The following BCAS4 variants were observed in gnomAD, a reference collection of about 807,000 sequenced individuals.
BCAS4 encodes breast carcinoma-amplified sequence 4.
In BCAS4, 9 loss-of-function variants were observed where a neutral mutation model predicts 15.7. The observed-to-expected ratio is 0.57, with a 90% CI of 0.34 to 1.00. The LOEUF (loss-of-function observed/expected upper bound fraction) is 1.00, where lower values mean the gene tolerates loss of function less well. Ranked by LOEUF, BCAS4 falls within the 50% of genes least tolerant of loss-of-function variation. BCAS4 has a pLI of 0.02. For synonymous variants in BCAS4, 101 were observed against 99.5 expected (o/e 1.02, Z -0.09); for missense variants, 225 against 239.1 (o/e 0.94, Z 0.39).
At chr20:50,808,641 C>T (rs2123758512) in intron 1 of BCAS4, among the ~76,000 whole-genome samples, 1 of 152,214 alleles carries the variant, frequency 6.6e-6, no homozygotes, top group Admixed American at 6.5e-5. Context: ...TGTTTGTTGG[C>T]CACTTGTATA....
At chr20:50,804,872 T>G (rs1047477024) in intron 1 of BCAS4, among the ~76,000 whole-genome samples, 3 of 152,194 alleles carry the variant, frequency 2.0e-5, no homozygotes, top group African/African-American at 7.2e-5. Flanking sequence ...GGTCGTTGTT[T>G]AACCTGCCAA....
At chr20:50,804,874 A>C (rs528161778) in intron 1 of BCAS4, among the ~76,000 whole-genome samples, 1 of 152,106 alleles carries the variant, frequency 6.6e-6, no homozygotes, top group Non-Finnish European at 1.5e-5. Flanking sequence ...TCGTTGTTTA[A>C]CCTGCCAACT....
chr20:50,800,559 CTTTTTTT>C (rs562113048), intron 1 of BCAS4, among the ~76,000 whole-genome samples: 1 of 112,630 alleles, frequency 8.9e-6, no homozygotes, highest in Non-Finnish European at 1.8e-5. Context: ...TTGAACATCC[CTTTTTTT>C]TTTTTTTTTT....
chr20:50,840,602 G>A lies in BCAS4; in HGVS notation c.265-1164G>A, dbSNP rs2088466179. The A allele has an allele frequency of 1.1e-5, 18 of 1,582,716 alleles. No homozygotes were observed. In the South Asian group the frequency reaches 1.4e-4, roughly 13 times the overall value. ...TGTGGAATGTACAGTGCATATTGAC[G>A]GCACACGCCTCATTACGATTCGCCT... is the stretch of plus-strand genomic sequence containing the variant. On this transcript the variant is annotated intron_variant, in intron 3 of 4. Transcript: ENST00000371608.
intron 4 of BCAS4, among the ~76,000 whole-genome samples, chr20:50,847,720 G>A (rs1315169898): frequency 6.6e-6 from 1 of 152,172 alleles, no homozygotes; most frequent in African/African-American, 2.4e-5. Context: ...TCTGGTGCAA[G>A]AATACAGACA....
chr20:50,819,838 C>CCCTT (rs780414332), intron 2 of BCAS4, among the ~76,000 whole-genome samples: 24 of 151,768 alleles, frequency 1.6e-4, no homozygotes, highest in African/African-American at 5.6e-4. Flanking sequence ...CTCCGTCCCT[C>CCCTT]CCTTCCTTCC....
chr20:50,878,244 A>G (rs926057413), downstream of BCAS4: 2 of 151,782 alleles, frequency 1.3e-5, no homozygotes, highest in Non-Finnish European at 2.9e-5. Flanking sequence ...ATCTCAGCTC[A>G]CTGCAACCTC....
intron 4 of BCAS4, among the ~76,000 whole-genome samples, chr20:50,857,427 A>G (rs1400505430): frequency 6.6e-6 from 1 of 152,176 alleles, no homozygotes; most frequent in Admixed American, 6.5e-5. Flanking sequence ...CACCTCACCC[A>G]GCTGAACGCT....
chr20:50,807,994 G>A (rs890073826), intron 1 of BCAS4, among the ~76,000 whole-genome samples: 2 of 145,980 alleles, frequency 1.4e-5, no homozygotes, highest in South Asian at 2.2e-4. Context: ...TGCAGGCTCC[G>A]CCTCCTGGGT....
intron 1 of BCAS4, among the ~76,000 whole-genome samples, chr20:50,807,628 G>A (rs1308906600): frequency 1.3e-5 from 2 of 152,256 alleles, no homozygotes; most frequent in Admixed American, 1.3e-4. Flanking sequence ...AGAGTACATG[G>A]CACCCAATGT....
chr20:50,824,097 C>T (rs2088249630), intron 2 of BCAS4, among the ~76,000 whole-genome samples: 1 of 152,190 alleles, frequency 6.6e-6, no homozygotes, highest in South Asian at 2.1e-4. Context: ...AGGGGCATGA[C>T]ACTGATGAAG....
intron 4 of BCAS4, among the ~76,000 whole-genome samples, chr20:50,871,653 A>G (rs529712517): frequency 6.6e-6 from 1 of 152,346 alleles, no homozygotes; most frequent in South Asian, 2.1e-4. Context: ...TCCAAGTGAT[A>G]TTGGCAGGAC....
chr20:50,840,652 T>G, intron 3 of BCAS4: 1 of 1,612,304 alleles, frequency 6.2e-7, no homozygotes. Context: ...TTCAATCGTT[T>G]CTTTGGAAGG....
chr20:50,864,587 C>T (rs867514929), intron 4 of BCAS4, among the ~76,000 whole-genome samples: 5 of 151,640 alleles, frequency 3.3e-5, no homozygotes, highest in Non-Finnish European at 5.9e-5. Context: ...TACAGGTGCA[C>T]GCCACCATAC....
chr20:50,816,633 G>A (rs2088140518), intron 1 of BCAS4, among the ~76,000 whole-genome samples: 1 of 152,022 alleles, frequency 6.6e-6, no homozygotes, highest in Admixed American at 6.6e-5. Context: ...TTATGTTAAT[G>A]TCCAGCCTGA....
At chr20:50,796,100 C>T (rs758987465) in intron 1 of BCAS4, among the ~76,000 whole-genome samples, 1 of 151,422 alleles carries the variant, frequency 6.6e-6, no homozygotes, top group Non-Finnish European at 1.5e-5. Flanking sequence ...AAATCTATCT[C>T]GCCAGGCCTG....
At chr20:50,826,086 A>C (rs1358675971) in intron 2 of BCAS4, among the ~76,000 whole-genome samples, 3 of 152,190 alleles carry the variant, frequency 2.0e-5, no homozygotes, top group Non-Finnish European at 4.4e-5. Flanking sequence ...AGAAATTAAC[A>C]GAAGGATACG....
At chr20:50,807,282 T>C (rs1008803219) in intron 1 of BCAS4, among the ~76,000 whole-genome samples, 1 of 152,264 alleles carries the variant, frequency 6.6e-6, no homozygotes, top group Non-Finnish European at 1.5e-5. Flanking sequence ...CACCCTCCGC[T>C]TCCTGGCTCA....
chr20:50,852,566 G>T (rs1208534723), intron 4 of BCAS4, among the ~76,000 whole-genome samples: 2 of 151,516 alleles, frequency 1.3e-5, no homozygotes, highest in African/African-American at 4.9e-5. Context: ...ATTTTTAGTA[G>T]AGATGAGGTT....
Sources: allele counts gnomAD v4.1 joint callset (sites outside exome capture counted in the v4.1 genomes callset), GRCh38; gene constraint gnomAD v4.1.1; transcripts MANE v1.5; gene names NCBI Gene and HGNC (gene_info 2026-07-23, HGNC 2026-07-21).